SOX5: variants seen among roughly 807,000 people sequenced by gnomAD.
SOX5 encodes SRY-box transcription factor 5.
In SOX5, 9 loss-of-function variants were observed where a neutral mutation model predicts 92.0. That is an observed-to-expected ratio of 0.10 (90% CI 0.06 to 0.17). The LOEUF is 0.17. Ranked by LOEUF, SOX5 falls within the 10% of genes least tolerant of loss-of-function variation. The pLI, the probability that SOX5 is intolerant of heterozygous loss-of-function variation, is 1.00. For missense variants in SOX5, 642 were observed against 944.5 expected, an observed-to-expected ratio of 0.68 and a Z score of 4.20; for synonymous variants, 344 against 336.3, an observed-to-expected ratio of 1.02 and a Z score of -0.25.
In SOX5 at chr12:24,466,364, G is replaced by C. The variant is rs1174255259; in HGVS notation, c.-251+95965C>G. 5.0e-4 allele frequency among the ~76,000 whole-genome samples: 76 copies of C among 151,936 alleles called. 1 individual carries two copies. Among genetic ancestry groups the C allele is most frequent in the Admixed American group, 4.9e-3 (75 of 15,252 alleles). On this transcript the variant is annotated intron_variant, in intron 1 of 4. Coordinates refer to the SOX5 transcript ENST00000446891. ...GGACTCAAGTGTTCCTCCCACCTCA[G>C]CCTCTCAAAGTGCTGGGATTATAGA...
At chr12:23,972,242 C>G (rs948321530) in intron 4 of SOX5, among the ~76,000 whole-genome samples, 1 of 152,150 alleles carries the variant, frequency 6.6e-6, no homozygotes, top group African/African-American at 2.4e-5. Flanking sequence ...ACTTAGGAGT[C>G]AGAAGCTGAG....
intron 4 of SOX5, among the ~76,000 whole-genome samples, chr12:24,072,858 T>C (rs938167486): frequency 2.0e-5 from 3 of 152,214 alleles, no homozygotes; most frequent in Non-Finnish European, 4.4e-5. Context: ...TTTACTATAA[T>C]TTAAATTATA....
intron 4 of SOX5, among the ~76,000 whole-genome samples, chr12:24,124,317 A>G (rs1198605246): frequency 1.3e-5 from 2 of 152,208 alleles, no homozygotes; most frequent in Non-Finnish European, 2.9e-5. Flanking sequence ...GGAAAGCAGA[A>G]TGATGCTATG....
chr12:24,232,326 T>C (rs1163030791), intron 3 of SOX5, among the ~76,000 whole-genome samples: 1 of 152,224 alleles, frequency 6.6e-6, no homozygotes, highest in Non-Finnish European at 1.5e-5. Flanking sequence ...GAAATTTCCT[T>C]ACATTTAACA....
chr12:24,035,703 C>T (rs912261001), intron 4 of SOX5, among the ~76,000 whole-genome samples: 1 of 152,122 alleles, frequency 6.6e-6, no homozygotes, highest in African/African-American at 2.4e-5. Context: ...TAAAGAAAAA[C>T]ATCTCCCTCA....
intron 4 of SOX5, among the ~76,000 whole-genome samples, chr12:24,114,876 C>A (rs565669901): frequency 3.3e-5 from 5 of 152,108 alleles, no homozygotes; most frequent in Admixed American, 3.3e-4. Flanking sequence ...TTCAAGACTG[C>A]AGTAAGCTAT....
chr12:23,611,399 T>TC (rs2075944187), intron 8 of SOX5, among the ~76,000 whole-genome samples: 1 of 151,610 alleles, frequency 6.6e-6, no homozygotes, highest in Non-Finnish European at 1.5e-5. Context: ...TGTGTGTATT[T>TC]ATACATATAT....
In SOX5 at chr12:24,075,656, T is replaced by A. The variant is rs541169417; in HGVS notation, c.-2+137687A>T. Among the ~76,000 whole-genome samples, 161 of 152,254 alleles carry A rather than the reference T, an allele frequency of 1.1e-3. 1 individual carries two copies. The highest frequency in any genetic ancestry group is 3.6e-3 in the African/African-American group (150 of 41,554). Reference sequence around the variant, plus strand: ...AAAAACATGTTTGAACCATTTTTTTTTTAAAAAAGACATGATTGAAATAAG... The same window carrying A: ...AAAAACATGTTTGAACCATTTTTTTATTAAAAAAGACATGATTGAAATAAG... On this transcript the variant is annotated intron_variant, in intron 4 of 4. Coordinates refer to the SOX5 transcript ENST00000446891.
chr12:23,670,115 C>T (rs1175800546), intron 6 of SOX5, among the ~76,000 whole-genome samples: 1 of 151,990 alleles, frequency 6.6e-6, no homozygotes, highest in Non-Finnish European at 1.5e-5. Context: ...TATGGTATAA[C>T]AAAAGCCAAG....
At chr12:24,437,035 T>C (rs1939575629) in intron 1 of SOX5, among the ~76,000 whole-genome samples, 1 of 152,140 alleles carries the variant, frequency 6.6e-6, no homozygotes, top group Non-Finnish European at 1.5e-5. Flanking sequence ...AAGATTCCTT[T>C]CAAAATATTA....
At chr12:23,623,939 C>G (rs1329374158) in intron 8 of SOX5, among the ~76,000 whole-genome samples, 1 of 152,016 alleles carries the variant, frequency 6.6e-6, no homozygotes, top group Admixed American at 6.6e-5. Context: ...ATAACTCAAA[C>G]GTCCATAGAT....
intron 10 of SOX5, among the ~76,000 whole-genome samples, chr12:23,574,127 AT>A (rs1386943227): frequency 6.6e-6 from 1 of 151,962 alleles, no homozygotes; most frequent in East Asian, 1.9e-4. Flanking sequence ...TAGTATTAAT[AT>A]TAGTTATTTA....
chr12:23,811,375 A>G (rs1371675745), intron 3 of SOX5, among the ~76,000 whole-genome samples: 1 of 152,134 alleles, frequency 6.6e-6, no homozygotes, highest in Non-Finnish European at 1.5e-5. Context: ...AGCAGACATA[A>G]AGTTTGCCCT....
intron 3 of SOX5, among the ~76,000 whole-genome samples, chr12:23,802,656 A>G (rs2095684323): frequency 6.6e-6 from 1 of 152,170 alleles, no homozygotes; most frequent in Admixed American, 6.5e-5. Context: ...ATATCTCCCC[A>G]GATATGATAG....
At chr12:23,961,055 C>T (rs550720104) in intron 4 of SOX5, among the ~76,000 whole-genome samples, 1 of 152,232 alleles carries the variant, frequency 6.6e-6, no homozygotes, top group East Asian at 1.9e-4. Context: ...ATCAACTATA[C>T]ATAATGTTCT....
chr12:23,712,353 G>A (rs2092132927), intron 6 of SOX5, among the ~76,000 whole-genome samples: 1 of 152,124 alleles, frequency 6.6e-6, no homozygotes, highest in South Asian at 2.1e-4. Flanking sequence ...TCTTAGTGAT[G>A]AAGGCAATTT....
rs1962737925 is a variant in SOX5, at chr12:24,228,951, C to T, written c.-76-15534G>A. Among the ~76,000 whole-genome samples, 6 of 152,128 alleles carry T rather than the reference C, an allele frequency of 3.9e-5. No individual in the cohort carries two copies. In the South Asian group the frequency reaches 1.2e-3, roughly 32 times the overall value. ...CTATAAATTAATGGTTAATCGAGCC[C>T]ATATAATTAGTTTATTCACAACAAA... On this transcript the variant is annotated intron_variant, in intron 3 of 4. Coordinates refer to the SOX5 transcript ENST00000446891.
chr12:23,681,786 C>A (rs2139818957), intron 6 of SOX5, among the ~76,000 whole-genome samples: 1 of 151,562 alleles, frequency 6.6e-6, no homozygotes, highest in East Asian at 1.9e-4. Flanking sequence ...ATAACAAAGG[C>A]AAAAATTATA....
At chr12:24,054,869 A>C (rs778104813) in intron 4 of SOX5, among the ~76,000 whole-genome samples, 17 of 152,218 alleles carry the variant, frequency 1.1e-4, no homozygotes, top group Non-Finnish European at 1.9e-4. Flanking sequence ...ATCAGCAAAT[A>C]ATGTAAATCT....
Sources: allele counts gnomAD v4.1 joint callset (sites outside exome capture counted in the v4.1 genomes callset), GRCh38; gene constraint gnomAD v4.1.1; transcripts MANE v1.5; gene names NCBI Gene and HGNC (gene_info 2026-07-23, HGNC 2026-07-21).